The following DAB1 variants were observed in gnomAD, a reference collection of about 807,000 sequenced individuals.
DAB1 encodes DAB adaptor protein 1.
A neutral mutation model predicts 64.6 loss-of-function variants in DAB1; 15 were observed. The ratio of observed to expected loss-of-function variants is 0.23; its 90% confidence interval spans 0.16 to 0.36. DAB1 has a LOEUF of 0.36. DAB1 is among the 10% of genes least tolerant of loss of function. The probability of loss-of-function intolerance (pLI) is 1.00; values close to 1 mark genes in which losing one functional copy is unlikely to be tolerated. For missense variants in DAB1, 596 were observed against 706.7 expected, an observed-to-expected ratio of 0.84 and a Z score of 1.78; for synonymous variants, 235 against 251.9, an observed-to-expected ratio of 0.93 and a Z score of 0.64.
intron 5 of DAB1, among the ~76,000 whole-genome samples, chr1:58,024,495 T>C (rs778708829): frequency 1.3e-5 from 2 of 152,232 alleles, no homozygotes; most frequent in Non-Finnish European, 2.9e-5. Flanking sequence ...TATGCTAACA[T>C]GCTTCTCTCA....
At chr1:57,444,209 A>G (rs1686054907) in intron 7 of DAB1, among the ~76,000 whole-genome samples, 1 of 152,128 alleles carries the variant, frequency 6.6e-6, no homozygotes, top group South Asian at 2.1e-4. Flanking sequence ...CCTCTTTAAC[A>G]TCACTTATTC....
intron 5 of DAB1, among the ~76,000 whole-genome samples, chr1:57,992,109 G>T (rs1189796884): frequency 6.6e-6 from 1 of 152,062 alleles, no homozygotes; most frequent in Non-Finnish European, 1.5e-5. Flanking sequence ...AATAATGTTG[G>T]GTGAAAGAAG....
chr1:58,120,093 T>C (rs929369708), intron 5 of DAB1, among the ~76,000 whole-genome samples: 10 of 152,316 alleles, frequency 6.6e-5, no homozygotes, highest in South Asian at 4.1e-4. Flanking sequence ...AGGCATTTTG[T>C]CCTGCAGAGA....
At chr1:58,007,224 T>C (rs980334259) in intron 5 of DAB1, among the ~76,000 whole-genome samples, 1 of 151,868 alleles carries the variant, frequency 6.6e-6, no homozygotes, top group African/African-American at 2.4e-5. Context: ...ATTTGGAAAA[T>C]AATAATATTT....
At chr1:57,219,811 A>T (rs1469277565) in intron 2 of DAB1, among the ~76,000 whole-genome samples, 2 of 152,306 alleles carry the variant, frequency 1.3e-5, no homozygotes, top group East Asian at 3.9e-4. Context: ...TTGGAAGAGG[A>T]TCCCAAGCTC....
chr1:58,457,068 A>G (rs556423259), intron 3 of DAB1, among the ~76,000 whole-genome samples: 1 of 152,324 alleles, frequency 6.6e-6, no homozygotes, highest in South Asian at 2.1e-4. Context: ...ATGCAAGCTT[A>G]TAACTTAAAG....
In DAB1 at chr1:58,225,115, G is replaced by C. The variant is rs1309209426; in HGVS notation, n.310-74527C>G. 4.3e-3 allele frequency among the ~76,000 whole-genome samples: 647 copies of C among 151,408 alleles called. 5 individuals are homozygous for C. Among genetic ancestry groups the C allele is most frequent in the African/African-American group, 0.015 (616 of 41,440 alleles). On this transcript the variant is annotated intron_variant and non_coding_transcript_variant, in intron 4 of 20. Coordinates refer to the DAB1 transcript ENST00000485760. Reference sequence around the variant, plus strand: ...ACAATGAACTCAAACAAATTTACAAGAAAAAAACAAACAACCCCATCAAAA... The same window carrying C: ...ACAATGAACTCAAACAAATTTACAACAAAAAAACAAACAACCCCATCAAAA...
intron 4 of DAB1, among the ~76,000 whole-genome samples, chr1:57,103,541 TA>T (rs1219590670): frequency 6.6e-6 from 1 of 152,096 alleles, no homozygotes; most frequent in East Asian, 1.9e-4. Flanking sequence ...GTACAGTAGT[TA>T]TGTGTACTAG....
chr1:58,237,440 T>C (rs1660091225), intron 4 of DAB1, among the ~76,000 whole-genome samples: 1 of 152,190 alleles, frequency 6.6e-6, no homozygotes. Context: ...GCAGGATGTG[T>C]GCTTCCAGGC....
intron 3 of DAB1, among the ~76,000 whole-genome samples, chr1:58,428,161 C>T (rs1644838551): frequency 6.6e-6 from 1 of 152,152 alleles, no homozygotes; most frequent in South Asian, 2.1e-4. Flanking sequence ...AGATGATCAC[C>T]ATTTTGTTAA....
At chr1:58,161,099 G>A (rs1655511110) in intron 4 of DAB1, among the ~76,000 whole-genome samples, 2 of 152,180 alleles carry the variant, frequency 1.3e-5, no homozygotes, top group South Asian at 2.1e-4. Flanking sequence ...AAGTAGAAAC[G>A]ACTCTCACCA....
rs183210525 is a variant in DAB1, at chr1:58,403,706, G to A, written n.258-60303C>T. ...TGTGAGGATGAACTAGATCTTGGAT[G>A]TGAAGCTCTGAGGACAAACTTGGCT... On this transcript the variant is annotated intron_variant and non_coding_transcript_variant, in intron 3 of 20. Transcript: ENST00000485760. Among the ~76,000 whole-genome samples the A allele has an allele frequency of 3.3e-4, 50 of 152,344 alleles. No individual in the cohort carries two copies. In the East Asian group the frequency reaches 7.3e-3, roughly 22 times the overall value.
chr1:57,797,680 A>G (rs1218696210), intron 6 of DAB1, among the ~76,000 whole-genome samples: 1 of 152,248 alleles, frequency 6.6e-6, no homozygotes, highest in Non-Finnish European at 1.5e-5. Context: ...TACAAGCTGT[A>G]GAAAGAAGAC....
intron 7 of DAB1, among the ~76,000 whole-genome samples, chr1:57,514,304 C>T (rs1043226489): frequency 6.6e-6 from 1 of 152,230 alleles, no homozygotes; most frequent in Non-Finnish European, 1.5e-5. Flanking sequence ...TTCCCACCAA[C>T]AGTATACAAG....
intron 2 of DAB1, among the ~76,000 whole-genome samples, chr1:57,201,270 A>T (rs1419810641): frequency 4.6e-5 from 7 of 152,222 alleles, no homozygotes; most frequent in Non-Finnish European, 7.4e-5. Context: ...AGAAAAAAAA[A>T]ATCCTGCACT....
At chr1:57,540,707 C>T (rs993338892) in intron 7 of DAB1, among the ~76,000 whole-genome samples, 1 of 152,104 alleles carries the variant, frequency 6.6e-6, no homozygotes, top group Non-Finnish European at 1.5e-5. Context: ...GTTAAATAAG[C>T]CTAGCACAGA....
intron 2 of DAB1, among the ~76,000 whole-genome samples, chr1:57,146,800 C>T (rs563465702): frequency 7.4e-4 from 113 of 152,246 alleles, no homozygotes; most frequent in African/African-American, 2.7e-3. Flanking sequence ...ATTTGCATTA[C>T]GCTAAGTGTG....
At chr1:57,980,986 C>T (rs966457837) in intron 5 of DAB1, among the ~76,000 whole-genome samples, 4 of 151,432 alleles carry the variant, frequency 2.6e-5, no homozygotes, top group African/African-American at 9.7e-5. Context: ...TAGATACATA[C>T]ATACATACAA....
chr1:57,388,807 C>T (rs1201114012), intron 1 of DAB1, among the ~76,000 whole-genome samples: 1 of 151,716 alleles, frequency 6.6e-6, no homozygotes, highest in Non-Finnish European at 1.5e-5. Flanking sequence ...CTCTCCTACT[C>T]CATGACCCTA....
Sources: allele counts gnomAD v4.1 joint callset (sites outside exome capture counted in the v4.1 genomes callset), GRCh38; gene constraint gnomAD v4.1.1; transcripts MANE v1.5; gene names NCBI Gene and HGNC (gene_info 2026-07-23, HGNC 2026-07-21).